Variants in RABGAP1L observed in about 807,000 individuals in gnomAD.
The protein encoded by RABGAP1L is rab GTPase-activating protein 1-like.
In RABGAP1L, 63 loss-of-function variants were observed where a neutral mutation model predicts 137.7. The observed-to-expected ratio is 0.46, with a 90% CI of 0.37 to 0.56. The LOEUF (loss-of-function observed/expected upper bound fraction) is 0.56. Among genes scored for constraint, RABGAP1L ranks in the 20% least tolerant of loss-of-function variants. RABGAP1L has a pLI of 0.00. For missense variants in RABGAP1L, 1,095 were observed against 1,244.0 expected (o/e 0.88, Z 1.80); for synonymous variants, 431 against 433.7 (o/e 0.99, Z 0.08).
At chr1:174,601,157 G>A (rs567129089) in intron 13 of RABGAP1L, among the ~76,000 whole-genome samples, 2 of 152,208 alleles carry the variant, frequency 1.3e-5, no homozygotes, top group South Asian at 2.1e-4. Flanking sequence ...AGCCAGGGCT[G>A]GAGTGGCTGG....
intron 1 of RABGAP1L, among the ~76,000 whole-genome samples, chr1:174,176,876 T>C (rs1665935437): frequency 6.6e-6 from 1 of 151,870 alleles, no homozygotes; most frequent in South Asian, 2.1e-4. Context: ...GTCAGAAGTT[T>C]GGGACCAGTC....
chr1:174,834,107 A>C (rs1341052916), intron 19 of RABGAP1L, among the ~76,000 whole-genome samples: 1 of 152,180 alleles, frequency 6.6e-6, no homozygotes, highest in Non-Finnish European at 1.5e-5. Context: ...GCCAGGAATT[A>C]TGAGAAAGTC....
intron 12 of RABGAP1L, among the ~76,000 whole-genome samples, chr1:174,390,434 A>T (rs1687130001): frequency 6.6e-6 from 1 of 152,196 alleles, no homozygotes; most frequent in South Asian, 2.1e-4. Flanking sequence ...GTGTGTATGC[A>T]TGTGTAGGAA....
Position 174,886,894 on chromosome 1 carries a change from C to T in RABGAP1L, c.2341-70563C>T, listed in dbSNP as rs141378579. Among the ~76,000 whole-genome samples, 916 of 151,974 alleles carry T rather than the reference C, an allele frequency of 6.0e-3. 11 individuals are homozygous for T. The highest frequency in any genetic ancestry group is 0.021 in the African/African-American group (866 of 41,410). ...CAATCTCGGCTTACTGTAACCTTCG[C>T]CTTCCAGGTTCAAGCAATCCTCTTG... On this transcript the variant is annotated intron_variant, in intron 19 of 25. Coordinates refer to ENST00000681986, the MANE Select transcript of RABGAP1L (RefSeq NM_001366446.1).
At position 174,612,640 on chromosome 1, in the gene RABGAP1L, A is replaced by C. The variant is rs903404133; in HGVS notation, c.1711-24735A>C. Among the ~76,000 whole-genome samples, 302 of 151,760 alleles carry C rather than the reference A, an allele frequency of 2.0e-3. 1 individual carries two copies. The highest frequency in any genetic ancestry group is 4.0e-3 in the African/African-American group (164 of 41,368). On this transcript the variant is annotated intron_variant, in intron 13 of 25. Transcript: ENST00000681986. ...AGTTTCAGAAGGAATGGTACCAGTT[A>C]CTCCTTGTACCTCTGGTAGAATTCG...
At chr1:174,568,157 T>C (rs572728432) in intron 13 of RABGAP1L, among the ~76,000 whole-genome samples, 164 of 152,016 alleles carry the variant, frequency 1.1e-3, no homozygotes, top group African/African-American at 3.9e-3. Flanking sequence ...CATCACATGA[T>C]GAAAGAGAGC....
intron 13 of RABGAP1L, chr1:174,548,185 A>C: frequency 6.9e-7 from 1 of 1,450,770 alleles, no homozygotes; most frequent in Non-Finnish European, 9.0e-7. Context: ...TGTGTGCATA[A>C]TCTCTCAGGG....
chr1:174,768,626 G>A (rs1012679569), intron 18 of RABGAP1L, among the ~76,000 whole-genome samples: 1 of 152,222 alleles, frequency 6.6e-6, no homozygotes, highest in Non-Finnish European at 1.5e-5. Context: ...AGAATCAGGG[G>A]AGAAGAAACA....
At chr1:174,850,072 G>T in intron 19 of RABGAP1L, 1 of 534,658 alleles carries the variant, frequency 1.9e-6, no homozygotes, top group South Asian at 1.4e-5. Context: ...GTAGAGGGGT[G>T]TCTGGGATTG....
intron 19 of RABGAP1L, among the ~76,000 whole-genome samples, chr1:174,944,642 A>AC (rs2149303158): frequency 7.7e-6 from 1 of 130,596 alleles, no homozygotes; most frequent in South Asian, 2.3e-4. Flanking sequence ...GTCTCAAAAA[A>AC]TTAAAAAAAA....
chr1:174,448,619 T>C lies in RABGAP1L; in HGVS notation c.1710+54474T>C. The C allele has an allele frequency of 6.2e-7, 1 of 1,613,970 alleles. No homozygotes were observed. Among genetic ancestry groups the C allele is most frequent in the Non-Finnish European group, 8.5e-7 (1 of 1,179,802 alleles). On this transcript the variant is annotated intron_variant, in intron 13 of 25. Coordinates refer to ENST00000681986, the MANE Select transcript of RABGAP1L (RefSeq NM_001366446.1). This position sits in a 1 kb window ranked among gnomAD's most constrained non-coding sequence, Gnocchi z 4.2. Reference sequence around the variant, plus strand: ...CATTATTTTGATCTGGATCTACTCCTGCCTAATTTTCTTGCCTTCCTTTTT... The same window carrying C: ...CATTATTTTGATCTGGATCTACTCCCGCCTAATTTTCTTGCCTTCCTTTTT...
rs75828076 is a variant in RABGAP1L, at chr1:174,925,891, T to G, written c.2341-31566T>G. The stretch of plus-strand genomic sequence containing the variant: ...TTTTGTTTTTGTTTTTTTTTTGTGT[T>G]TTTTTTTTTTTTTTTGATACCAGGC... On this transcript the variant is annotated intron_variant, in intron 19 of 25. Coordinates refer to ENST00000681986, the MANE Select transcript of RABGAP1L (RefSeq NM_001366446.1). 2.2e-3 allele frequency among the ~76,000 whole-genome samples: 141 copies of G among 62,680 alleles called. 4 individuals carry two copies. The highest frequency in any genetic ancestry group is 3.8e-3 in the African/African-American group (97 of 25,204). 41.1% of individuals were successfully genotyped at this position (62,680 alleles called of 152,430 possible).
At chr1:174,470,340 G>A (rs1657773375) in intron 13 of RABGAP1L, among the ~76,000 whole-genome samples, 1 of 152,192 alleles carries the variant, frequency 6.6e-6, no homozygotes, top group Non-Finnish European at 1.5e-5. Context: ...GTTTGTATCA[G>A]AGAAGTGGTA....
chr1:174,803,350 T>C lies in RABGAP1L; in HGVS notation c.2212-8482T>C, dbSNP rs561857843. Among the ~76,000 whole-genome samples, 3 of 152,326 alleles carry C rather than the reference T, an allele frequency of 2.0e-5. No individual in the cohort carries two copies. In the East Asian group the frequency reaches 5.8e-4, roughly 29 times the overall value. On this transcript the variant is annotated intron_variant, in intron 18 of 25. Coordinates refer to ENST00000681986, the MANE Select transcript of RABGAP1L (RefSeq NM_001366446.1). ...AGGTGCAAGCATGTCATTTTAGATA[T>C]TACCACAAGGCCTAAATTCTATGTG...
intron 1 of RABGAP1L, among the ~76,000 whole-genome samples, chr1:174,190,301 C>CAAAAAAA (rs57629149): frequency 1.1e-5 from 1 of 90,272 alleles, no homozygotes; most frequent in African/African-American, 3.5e-5. Flanking sequence ...GACTCCGTTG[C>CAAAAAAA]AAAAAAAAAA....
At position 174,767,564 on chromosome 1, in the gene RABGAP1L, C is replaced by T. The variant is rs144504650; in HGVS notation, c.2211+15210C>T. Among the ~76,000 whole-genome samples the T allele has an allele frequency of 8.0e-4, 121 of 151,734 alleles. No individual in the cohort carries two copies. In the East Asian group the frequency reaches 0.02, roughly 25 times the overall value. On this transcript the variant is annotated intron_variant, in intron 18 of 25. Coordinates refer to ENST00000681986, the MANE Select transcript of RABGAP1L (RefSeq NM_001366446.1). The stretch of plus-strand genomic sequence containing the variant: ...TTTGAGACGGAGTCTCACCCTGTCA[C>T]CCAGGCTGTAGTGCAGTGGCGCAAT...
chr1:174,281,398 C>T (rs1675527996), intron 10 of RABGAP1L, among the ~76,000 whole-genome samples: 1 of 152,190 alleles, frequency 6.6e-6, no homozygotes, highest in Non-Finnish European at 1.5e-5. Context: ...ACACAGAGCA[C>T]TGACTGGTGC....
intron 14 of RABGAP1L, among the ~76,000 whole-genome samples, chr1:174,668,744 C>G (rs1306231893): frequency 6.6e-6 from 1 of 152,126 alleles, no homozygotes; most frequent in Non-Finnish European, 1.5e-5. Flanking sequence ...GCAAGGGTTT[C>G]TTTTTCTCCA....
chr1:174,628,989 C>T (rs1003259197), intron 13 of RABGAP1L, among the ~76,000 whole-genome samples: 4 of 152,178 alleles, frequency 2.6e-5, no homozygotes, highest in African/African-American at 9.7e-5. Context: ...TATTGAGCCT[C>T]TTTTTGTCCT....
Sources: gnomAD v4.1 joint callset for allele counts (sites outside exome capture counted in the v4.1 genomes callset) on GRCh38, gnomAD v4.1.1 for gene constraint, Gnocchi (gnomAD v3.1) non-coding constraint, MANE v1.5 for transcripts, NCBI Gene and HGNC (gene_info 2026-07-23, HGNC 2026-07-21) for gene names.